The following SIRT5 variants were observed in gnomAD, a reference collection of about 807,000 sequenced individuals.
The protein encoded by SIRT5 is NAD-dependent protein deacylase sirtuin-5, mitochondrial.
In SIRT5, 26 loss-of-function variants were observed where a neutral mutation model predicts 40.0. That is an observed-to-expected ratio of 0.65 (90% CI 0.48 to 0.90). The LOEUF (loss-of-function observed/expected upper bound fraction) is 0.90, where lower values mean the gene tolerates loss of function less well. Ranked by LOEUF, SIRT5 falls within the 40% of genes least tolerant of loss-of-function variation. The pLI is 0.00. For missense variants in SIRT5, 401 were observed against 402.4 expected (o/e 1.00, Z 0.03); for synonymous variants, 146 against 149.1 (o/e 0.98, Z 0.15).
intron 9 of SIRT5, chr6:13,605,125 G>A (rs956469034): frequency 2.0e-6 from 2 of 985,532 alleles, no homozygotes; most frequent in Non-Finnish European, 2.4e-6. Flanking sequence ...TGGCAGAATT[G>A]TATATCTCGT....
At chr6:13,598,677 A>G (rs745545878) in intron 7 of SIRT5, among the ~76,000 whole-genome samples, 59 of 151,934 alleles carry the variant, frequency 3.9e-4, no homozygotes, top group Admixed American at 1.6e-3. Context: ...AAGAATACGA[A>G]AATTAGCTGG....
rs143357491 is a variant in SIRT5 at position 13,599,074 on chromosome 6, C to T, written c.660C>T (p.Val220=). Residue 220 remains valine, a synonymous_variant, in exon 8 of 10, where the codon GTC becomes GTT. Coordinates refer to ENST00000606117, the MANE Select transcript of SIRT5 (RefSeq NM_012241.5). ...AGCGGLLRPH[V]VWFGENLDPA... The stretch of plus-strand genomic sequence containing the variant: ...GCGGGGGCTTGCTGCGACCTCACGT[C>T]GTGTGGTTTGGAGAAAACCTGGATC... 4.4e-3 allele frequency: 7,164 copies of T among 1,614,012 alleles called. 217 individuals carry two copies. The Admixed American group carries it at 0.07, about 16-fold the overall frequency.
chr6:13,584,070 C>T lies in SIRT5; in HGVS notation c.-35-6C>T. ...TACACTATTTGTTTTTGTGATTTTT[C>T]TAAAGCCCGCCTCAAGCATTAGAAC... On this transcript the variant is annotated splice_region_variant and splice_polypyrimidine_tract_variant and intron_variant, in intron 2 of 9. Coordinates refer to ENST00000606117, the MANE Select transcript of SIRT5 (RefSeq NM_012241.5). The T allele has an allele frequency of 1.4e-6, 2 of 1,453,300 alleles. No homozygotes were observed. Among genetic ancestry groups the T allele is most frequent in the Non-Finnish European group, 1.9e-6 (2 of 1,042,550 alleles). 90.0% of individuals were successfully genotyped at this position (1,453,300 alleles called of 1,614,324 possible).
intron 7 of SIRT5, among the ~76,000 whole-genome samples, chr6:13,597,253 T>A (rs910510450): frequency 2.6e-5 from 4 of 152,052 alleles, no homozygotes; most frequent in African/African-American, 9.7e-5. Context: ...TAGGATCATT[T>A]GAGGTCGGGA....
At chr6:13,606,130 A>G (rs539610801) in intron 9 of SIRT5, among the ~76,000 whole-genome samples, 18 of 152,260 alleles carry the variant, frequency 1.2e-4, no homozygotes, top group Non-Finnish European at 1.8e-4. Flanking sequence ...GAGACTGCAC[A>G]AAGTAAAGAT....
chr6:13,581,750 C>T (rs895528471), intron 2 of SIRT5, among the ~76,000 whole-genome samples: 4 of 152,162 alleles, frequency 2.6e-5, no homozygotes, highest in African/African-American at 7.2e-5. Flanking sequence ...TAAACCACGT[C>T]ACAGAGCACC....
In SIRT5 at chr6:13,597,016, G is replaced by C; in HGVS notation, c.617G>C (p.Arg206Pro). 1.2e-6 allele frequency: 2 copies of C among 1,610,590 alleles called. No individual in the cohort carries two copies. Among genetic ancestry groups the C allele is most frequent in the Non-Finnish European group, 1.7e-6 (2 of 1,178,842 alleles). ...AGCATCCCAGTTGAGAAACTTCCCC[G>C]GTAGGTAGAAAACTCTGATTTGTAC... The part of the protein sequence containing the change: ...DASIPVEKLP[R>P]CEEAGCGGLL... Residue 206 changes from arginine (R) to proline (P), a missense_variant and splice_region_variant, in exon 7 of 10, where the codon CGG (arginine) becomes CCG (proline). Coordinates refer to ENST00000606117, the MANE Select transcript of SIRT5 (RefSeq NM_012241.5).
chr6:13,608,585 TAAA>T (rs751373309), intron 9 of SIRT5, among the ~76,000 whole-genome samples: 2 of 137,654 alleles, frequency 1.5e-5, no homozygotes, highest in Admixed American at 7.3e-5. Flanking sequence ...GACTCTGTCT[TAAA>T]AAAAAAAAAA....
At chr6:13,593,415 C>T (rs1761187858) in intron 5 of SIRT5, among the ~76,000 whole-genome samples, 1 of 152,184 alleles carries the variant, frequency 6.6e-6, no homozygotes, top group Admixed American at 6.5e-5. Context: ...TTGGTACCTA[C>T]ATCTGCTGGG....
At chr6:13,578,927 C>T (rs1209530904) in intron 1 of SIRT5, among the ~76,000 whole-genome samples, 1 of 152,134 alleles carries the variant, frequency 6.6e-6, no homozygotes, top group Admixed American at 6.5e-5. Context: ...AAAAAGCTCC[C>T]AATGACTGAT....
intron 6 of SIRT5, among the ~76,000 whole-genome samples, chr6:13,595,821 A>G (rs1449357186): frequency 2.0e-5 from 3 of 152,046 alleles, no homozygotes; most frequent in Non-Finnish European, 1.5e-5. Context: ...AAAAAACAAA[A>G]CAAAACAAAA....
chr6:13,605,593 C>T (rs2127722867), intron 9 of SIRT5: 1 of 985,406 alleles, frequency 1.0e-6, no homozygotes, highest in East Asian at 1.1e-4. Context: ...ATAGAATTCT[C>T]CTCCCACAGG....
chr6:13,580,160 C>T (rs1415300635), intron 2 of SIRT5, among the ~76,000 whole-genome samples: 1 of 152,212 alleles, frequency 6.6e-6, no homozygotes, highest in Non-Finnish European at 1.5e-5. Context: ...GGCAGCCAGA[C>T]AGCCTTGTCC....
chr6:13,606,335 G>C (rs546340982), intron 9 of SIRT5, among the ~76,000 whole-genome samples: 20 of 152,306 alleles, frequency 1.3e-4, no homozygotes, highest in African/African-American at 4.8e-4. Flanking sequence ...GGGCTCTGGG[G>C]AGGGAAGACA....
chr6:13,597,630 C>A (rs1761759526), intron 7 of SIRT5, among the ~76,000 whole-genome samples: 3 of 151,998 alleles, frequency 2.0e-5, no homozygotes, highest in Admixed American at 6.6e-5. Flanking sequence ...ACTGCAACCT[C>A]CACCTCCTGG....
rs1212017608 is a variant in SIRT5 at position 13,611,837 on chromosome 6, C to G, written c.905C>G (p.Ala302Gly). ...PCGTTLPEALACHENETVS is the reference protein window; with the variant it reads ...PCGTTLPEALGCHENETVS ...GGAACGACTCTTCCTGAAGCCCTTG[C>G]CTGTCATGAAAATGAAACTGTTTCT... The change falls in exon 10 of 10, where the codon GCC becomes GGC. Residue 302 changes from alanine to glycine, a missense_variant. Physicochemically the swap from Ala to Gly is moderately conservative, Grantham distance 60. Transcript: ENST00000606117. 1.2e-6 allele frequency: 2 copies of G among 1,613,814 alleles called. No individual in the cohort carries two copies. Among genetic ancestry groups the G allele is most frequent in the Non-Finnish European group, 8.5e-7 (1 of 1,179,892 alleles).
At chr6:13,575,040 G>A (rs574436585) in intron 1 of SIRT5, among the ~76,000 whole-genome samples, 25 of 152,252 alleles carry the variant, frequency 1.6e-4, no homozygotes, top group African/African-American at 4.8e-4. Context: ...TTGGCTATGG[G>A]GCGTGCGAGA....
chr6:13,600,819 G>A lies in SIRT5; in HGVS notation c.742-15G>A. ...CGTCTGGCTGTTTGTTCATCTCCGT[G>A]TACTTGCCTTGTAGGTGGGCACTTC... On this transcript the variant is annotated splice_polypyrimidine_tract_variant and intron_variant, in intron 8 of 9. Transcript: ENST00000606117. 1 of 1,595,458 alleles carries A rather than the reference G, an allele frequency of 6.3e-7. No homozygotes were observed. Among genetic ancestry groups the A allele is most frequent in the Non-Finnish European group, 8.6e-7 (1 of 1,165,598 alleles).
chr6:13,577,853 A>T (rs1034026965), intron 1 of SIRT5, among the ~76,000 whole-genome samples: 1 of 152,018 alleles, frequency 6.6e-6, no homozygotes, highest in Non-Finnish European at 1.5e-5. Flanking sequence ...CTAGTACTAC[A>T]CTGAATAGAC....
Sources: gnomAD v4.1 joint callset for allele counts (sites outside exome capture counted in the v4.1 genomes callset) on GRCh38, gnomAD v4.1.1 for gene constraint, MANE v1.5 for transcripts, NCBI Gene and HGNC (gene_info 2026-07-23, HGNC 2026-07-21) for gene names.